Variants in DLGAP3 observed in about 807,000 individuals in gnomAD.
DLGAP3 encodes the protein disks large-associated protein 3.
DLGAP3 carries 17 observed loss-of-function variants against 81.2 expected under a neutral mutation model. The ratio of observed to expected loss-of-function variants is 0.21; its 90% confidence interval spans 0.14 to 0.31. The LOEUF (loss-of-function observed/expected upper bound fraction) is 0.31. Among genes scored for constraint, DLGAP3 ranks in the 10% least tolerant of loss-of-function variants. DLGAP3 has a pLI of 1.00. For missense variants in DLGAP3, 1,124 were observed against 1,388.0 expected (o/e 0.81, Z 3.02); for synonymous variants, 577 against 587.4 (o/e 0.98, Z 0.26).
chr1:34,915,978 C>T (rs1000281742), intron 1 of DLGAP3, among the ~76,000 whole-genome samples: 2 of 152,128 alleles, frequency 1.3e-5, no homozygotes, highest in African/African-American at 4.8e-5. Context: ...TCTCATACCT[C>T]TATTCCCCAC....
chr1:34,888,969 G>A (rs764510298), intron 5 of DLGAP3, among the ~76,000 whole-genome samples: 7 of 152,162 alleles, frequency 4.6e-5, no homozygotes, highest in Non-Finnish European at 8.8e-5. Context: ...AAGCACACTG[G>A]TCTCGAGTCC....
chr1:34,887,627 G>A (rs1272719068), intron 5 of DLGAP3, among the ~76,000 whole-genome samples: 1 of 152,168 alleles, frequency 6.6e-6, no homozygotes, highest in African/African-American at 2.4e-5. Context: ...CCTGAACATT[G>A]CTCAAGATGG....
chr1:34,926,410 G>A (rs541160436), intron 1 of DLGAP3, among the ~76,000 whole-genome samples: 16 of 152,318 alleles, frequency 1.1e-4, no homozygotes, highest in African/African-American at 2.6e-4. Context: ...CTCCCCAGAC[G>A]GCAGGAGGCC....
chr1:34,926,039 T>A (rs1569675261), intron 1 of DLGAP3, among the ~76,000 whole-genome samples: 3 of 152,198 alleles, frequency 2.0e-5, no homozygotes. Flanking sequence ...TAAAAACACA[T>A]GAACATGTCA....
At chr1:34,875,644 G>T (rs1380087132) in intron 8 of DLGAP3, among the ~76,000 whole-genome samples, 4 of 152,188 alleles carry the variant, frequency 2.6e-5, no homozygotes, top group Non-Finnish European at 5.9e-5. Context: ...CATTTTCTAT[G>T]ACTTCAGAGG....
intron 1 of DLGAP3, among the ~76,000 whole-genome samples, chr1:34,911,265 A>T (rs1639636141): frequency 6.6e-6 from 1 of 152,214 alleles, no homozygotes; most frequent in South Asian, 2.1e-4. Flanking sequence ...AAAGCAAACA[A>T]ACAAATAAAA....
intron 8 of DLGAP3, among the ~76,000 whole-genome samples, chr1:34,884,508 G>C (rs1333011226): frequency 6.6e-6 from 1 of 150,704 alleles, no homozygotes; most frequent in Non-Finnish European, 1.5e-5. Flanking sequence ...CCCCCAACTG[G>C]TTAAATGCTT....
At chr1:34,877,017 T>C (rs750734871) in intron 8 of DLGAP3, among the ~76,000 whole-genome samples, 23 of 152,168 alleles carry the variant, frequency 1.5e-4, no homozygotes, top group Non-Finnish European at 2.9e-4. Flanking sequence ...AAAAAGGTGT[T>C]TTTGCTACAA....
Position 34,867,036 on chromosome 1 carries a change from C to T in DLGAP3, c.2721+12G>A. ...AGTCTGGCCTCTTTGCCTGAAGGCA[C>T]CCCAGCCCCACCTTAGGCTCCAGGA... On this transcript the variant is annotated intron_variant, in intron 11 of 11. Transcript: ENST00000373347. The surrounding 1 kb of genome is among the most constrained non-coding windows in gnomAD (Gnocchi z 4.3). 1 of 1,614,012 alleles carries T rather than the reference C, an allele frequency of 6.2e-7. No homozygotes were observed. Among genetic ancestry groups the T allele is most frequent in the Non-Finnish European group, 8.5e-7 (1 of 1,179,902 alleles).
chr1:34,891,193 C>T (rs1037322592), intron 5 of DLGAP3, among the ~76,000 whole-genome samples: 3 of 152,202 alleles, frequency 2.0e-5, no homozygotes, highest in Non-Finnish European at 2.9e-5. Context: ...AAGAATAGCA[C>T]GACTCTATAG....
rs1639919792 is a variant in DLGAP3, at chr1:34,929,228, G to C, written c.-135+223C>G. On this transcript the variant is annotated intron_variant, in intron 1 of 11. Transcript: ENST00000373347. The surrounding 1 kb of genome is among the most constrained non-coding windows in gnomAD (Gnocchi z 6.5). ...CCGGGAGCGTGGGTCCGCGGTCCGC[G>C]TGGTCCCCTGCCCGCCCCTCGGGTC... is the stretch of plus-strand genomic sequence containing the variant. 6.6e-6 allele frequency among the ~76,000 whole-genome samples: 1 copy of C among 151,340 alleles called. No homozygotes were observed. Among genetic ancestry groups the C allele is most frequent in the East Asian group, 1.9e-4 (1 of 5,130 alleles).
At chr1:34,871,045 A>T (rs1638971101) in intron 8 of DLGAP3, among the ~76,000 whole-genome samples, 2 of 152,212 alleles carry the variant, frequency 1.3e-5, no homozygotes, top group Non-Finnish European at 2.9e-5. Flanking sequence ...TCTCTCTAAA[A>T]TTATATTTTG....
In DLGAP3 at chr1:34,907,424, A is replaced by G. The variant is rs1300245870; in HGVS notation, c.-121T>C. On this transcript the variant is annotated 5_prime_UTR_variant, in exon 2 of 12. Coordinates refer to ENST00000373347, the MANE Select transcript of DLGAP3 (RefSeq NM_001080418.3). ...GCAGAAGCCTAACTTCAGAAGGCTC[A>G]GGACCACTGAATCCTGATGGAAAAG... is the stretch of plus-strand genomic sequence containing the variant. The G allele has an allele frequency of 6.6e-6, 1 of 152,666 alleles. No individual in the cohort carries two copies. The highest frequency in any genetic ancestry group is 2.4e-5 in the African/African-American group (1 of 41,448). The allele number at this position is 152,666 out of a possible 1,614,324, so 9.5% of individuals were successfully genotyped here. A position where few individuals can be genotyped will look rare whatever the true frequency, so the allele number is the denominator to read the frequency against.
intron 8 of DLGAP3, among the ~76,000 whole-genome samples, chr1:34,884,631 G>T (rs1351172743): frequency 6.6e-6 from 1 of 152,184 alleles, no homozygotes; most frequent in African/African-American, 2.4e-5. Context: ...TGTAATGAGG[G>T]ATTGGCAGAT....
chr1:34,880,055 C>T (rs1012623719), intron 8 of DLGAP3, among the ~76,000 whole-genome samples: 1 of 152,004 alleles, frequency 6.6e-6, no homozygotes, highest in African/African-American at 2.4e-5. Flanking sequence ...TTCTTTCCCC[C>T]CCTTTTCTTT....
At chr1:34,896,168 C>A (rs1030492267) in intron 5 of DLGAP3, among the ~76,000 whole-genome samples, 7 of 152,230 alleles carry the variant, frequency 4.6e-5, no homozygotes, top group African/African-American at 1.7e-4. Flanking sequence ...TATAAAAATA[C>A]AAATTACTGA....
intron 8 of DLGAP3, among the ~76,000 whole-genome samples, chr1:34,876,467 C>T (rs967721552): frequency 1.3e-5 from 2 of 152,206 alleles, no homozygotes; most frequent in African/African-American, 4.8e-5. Context: ...CTGTGTGTGG[C>T]GGGCCAGGCC....
intron 5 of DLGAP3, among the ~76,000 whole-genome samples, chr1:34,897,238 G>T (rs563528709): frequency 1.6e-4 from 25 of 152,162 alleles, no homozygotes; most frequent in African/African-American, 4.8e-5. Flanking sequence ...GGCTAAATAT[G>T]TCAAGTATAT....
At chr1:34,914,139 G>T (rs1428323446) in intron 1 of DLGAP3, among the ~76,000 whole-genome samples, 4 of 152,160 alleles carry the variant, frequency 2.6e-5, no homozygotes, top group Non-Finnish European at 1.5e-5. Flanking sequence ...CTGGGCCCCA[G>T]CTCCCTTCCC....
Sources: gnomAD v4.1 joint callset for allele counts (sites outside exome capture counted in the v4.1 genomes callset) on GRCh38, gnomAD v4.1.1 for gene constraint, Gnocchi (gnomAD v3.1) non-coding constraint, MANE v1.5 for transcripts, NCBI Gene and HGNC (gene_info 2026-07-23, HGNC 2026-07-21) for gene names.